Variants in L3MBTL4 observed in about 807,000 individuals in gnomAD.
The protein encoded by L3MBTL4 is lethal(3)malignant brain tumor-like protein 4.
Under a neutral mutation model 84.5 loss-of-function variants are expected in L3MBTL4, and 70 were observed. The ratio of observed to expected loss-of-function variants is 0.83; its 90% CI spans 0.68 to 1.01. L3MBTL4 has a LOEUF of 1.01. Among genes scored for constraint, L3MBTL4 ranks in the 50% least tolerant of loss-of-function variants. The pLI is 0.00. For missense variants in L3MBTL4, 715 were observed against 754.8 expected (o/e 0.95, Z 0.62); for synonymous variants, 274 against 259.8 (o/e 1.05, Z -0.52).
intron 1 of L3MBTL4, among the ~76,000 whole-genome samples, chr18:6,331,511 T>C (rs563392889): frequency 6.6e-6 from 1 of 152,262 alleles, no homozygotes; most frequent in Admixed American, 6.5e-5. Context: ...GTTCTTGGAC[T>C]AAAACTAGAA....
chr18:6,308,476 G>C (rs1209333938), intron 3 of L3MBTL4, among the ~76,000 whole-genome samples: 5 of 152,064 alleles, frequency 3.3e-5, no homozygotes, highest in Non-Finnish European at 7.4e-5. Context: ...CGTATAAAAA[G>C]GATATATGAA....
intron 12 of L3MBTL4, among the ~76,000 whole-genome samples, chr18:6,196,359 G>A (rs143035972): frequency 0.04 from 6,035 of 152,006 alleles, 168 homozygotes; most frequent in Middle Eastern, 0.058. Flanking sequence ...CGGTTTCACC[G>A]TGTTGGCCAG....
At chr18:6,043,346 G>T (rs907601906) in intron 16 of L3MBTL4, among the ~76,000 whole-genome samples, 3 of 152,068 alleles carry the variant, frequency 2.0e-5, no homozygotes, top group Non-Finnish European at 4.4e-5. Flanking sequence ...TTTCCTCAGA[G>T]CCACTCACTC....
intron 1 of L3MBTL4, among the ~76,000 whole-genome samples, chr18:6,413,470 G>A (rs2056055084): frequency 6.6e-6 from 1 of 151,514 alleles, no homozygotes; most frequent in Admixed American, 6.6e-5. Context: ...TAATTCTGTA[G>A]TAATATAAGG....
At chr18:6,324,330 A>G (rs1266967372) in intron 1 of L3MBTL4, among the ~76,000 whole-genome samples, 1 of 152,216 alleles carries the variant, frequency 6.6e-6, no homozygotes, top group African/African-American at 2.4e-5. Context: ...TAGTGGAGCT[A>G]TGAGAAGAAG....
At chr18:6,236,967 T>C (rs2047240589) in intron 10 of L3MBTL4, among the ~76,000 whole-genome samples, 1 of 152,212 alleles carries the variant, frequency 6.6e-6, no homozygotes, top group Admixed American at 6.5e-5. Flanking sequence ...TCCCTTACTC[T>C]ACATTTCTTT....
At chr18:6,402,618 C>T (rs1244419415) in intron 1 of L3MBTL4, among the ~76,000 whole-genome samples, 1 of 151,984 alleles carries the variant, frequency 6.6e-6, no homozygotes, top group African/African-American at 2.4e-5. Flanking sequence ...AAGGTTTGAA[C>T]ATAAAGTACA....
At chr18:6,012,667 T>TA (rs11453210) in intron 16 of L3MBTL4, among the ~76,000 whole-genome samples, 90,468 of 146,342 alleles carry the variant, frequency 0.62, 28,870 homozygotes, top group Non-Finnish European at 0.73. Flanking sequence ...TCTACAAAAT[T>TA]AAAAAAAAAA....
intron 12 of L3MBTL4, among the ~76,000 whole-genome samples, chr18:6,188,312 CTATAA>C (rs1277941164): frequency 3.5e-4 from 53 of 149,700 alleles, no homozygotes; most frequent in African/African-American, 1.2e-3. Flanking sequence ...TATATATACT[CTATAA>C]TATAATTAAT....
At chr18:5,998,964 A>C (rs73374497) in intron 16 of L3MBTL4, among the ~76,000 whole-genome samples, 1 of 152,320 alleles carries the variant, frequency 6.6e-6, no homozygotes, top group Non-Finnish European at 1.5e-5. Context: ...AAATCAAGAC[A>C]AAATGAAATG....
chr18:6,195,623 G>A (rs2045341287), intron 12 of L3MBTL4, among the ~76,000 whole-genome samples: 2 of 152,172 alleles, frequency 1.3e-5, no homozygotes, highest in Non-Finnish European at 1.5e-5. Context: ...CACAATTTTT[G>A]CAGTTGAAAA....
chr18:6,332,998 A>T (rs574580824), intron 1 of L3MBTL4, among the ~76,000 whole-genome samples: 4 of 152,162 alleles, frequency 2.6e-5, no homozygotes, highest in Non-Finnish European at 5.9e-5. Context: ...ACTATACCCT[A>T]CTTTGTGAAT....
At chr18:6,293,908 GGGA>G (rs1317086146) in intron 4 of L3MBTL4, among the ~76,000 whole-genome samples, 1 of 152,134 alleles carries the variant, frequency 6.6e-6, no homozygotes. Flanking sequence ...TTGAGGGGAC[GGGA>G]GATACACAAC....
chr18:6,040,480 C>G (rs1425853932), intron 16 of L3MBTL4, among the ~76,000 whole-genome samples: 1 of 152,108 alleles, frequency 6.6e-6, no homozygotes, highest in Non-Finnish European at 1.5e-5. Context: ...ATTACAGAAC[C>G]AAAAACTTTA....
At chr18:6,198,477 C>T (rs576166158) in intron 12 of L3MBTL4, among the ~76,000 whole-genome samples, 13 of 152,252 alleles carry the variant, frequency 8.5e-5, no homozygotes, top group African/African-American at 3.1e-4. Context: ...GCACCATAGT[C>T]CGATGCTGGC....
intron 1 of L3MBTL4, among the ~76,000 whole-genome samples, 162 bp from the exon 2 acceptor site, chr18:6,312,218 G>A (rs893106505): frequency 5.3e-5 from 8 of 152,068 alleles, no homozygotes; most frequent in African/African-American, 1.7e-4. Flanking sequence ...AATACCAAAC[G>A]AGTTCCGCTG....
At chr18:6,055,533 C>A (rs1598585069) in intron 16 of L3MBTL4, among the ~76,000 whole-genome samples, 1 of 152,270 alleles carries the variant, frequency 6.6e-6, no homozygotes, top group East Asian at 1.9e-4. Context: ...CTGGGGCAAT[C>A]TAGACAGCTT....
intron 13 of L3MBTL4, among the ~76,000 whole-genome samples, chr18:6,143,897 T>C (rs150133724): frequency 1.3e-5 from 2 of 151,846 alleles, no homozygotes; most frequent in African/African-American, 2.4e-5. Context: ...AGTGGGAAAA[T>C]GATAATAAAG....
intron 4 of L3MBTL4, among the ~76,000 whole-genome samples, chr18:6,293,449 C>A (rs1376741288): frequency 2.0e-5 from 3 of 151,722 alleles, no homozygotes; most frequent in African/African-American, 4.8e-5. Flanking sequence ...CTGGGGACAA[C>A]CTTAGCACCA....
Sources: allele counts gnomAD v4.1 joint callset (sites outside exome capture counted in the v4.1 genomes callset), GRCh38; gene constraint gnomAD v4.1.1; transcripts MANE v1.5; gene names NCBI Gene and HGNC (gene_info 2026-07-23, HGNC 2026-07-21).